Variants in KCND2 observed in about 807,000 individuals in gnomAD.
KCND2 encodes A-type voltage-gated potassium channel KCND2.
KCND2 carries 16 observed loss-of-function variants against 54.4 expected under a neutral mutation model. The observed-to-expected ratio is 0.29, with a 90% CI of 0.20 to 0.45. The LOEUF (loss-of-function observed/expected upper bound fraction) is 0.45. Among genes scored for constraint, KCND2 ranks in the 20% least tolerant of loss-of-function variants. KCND2 has a pLI of 1.00. For missense variants in KCND2, 486 were observed against 824.2 expected, an observed-to-expected ratio of 0.59 and a Z score of 5.02; for synonymous variants, 317 against 310.7, an observed-to-expected ratio of 1.02 and a Z score of -0.21.
At chr7:120,323,299 TA>T (rs1308341712) in intron 1 of KCND2, among the ~76,000 whole-genome samples, 1 of 152,076 alleles carries the variant, frequency 6.6e-6, no homozygotes, top group Non-Finnish European at 1.5e-5. Context: ...TTTATTTATT[TA>T]TTTTTTTATT....
At chr7:120,563,453 T>C (rs1792259803) in intron 1 of KCND2, among the ~76,000 whole-genome samples, 1 of 152,198 alleles carries the variant, frequency 6.6e-6, no homozygotes, top group African/African-American at 2.4e-5. Context: ...TCATCTAGAT[T>C]TGAGTTATCA....
chr7:120,341,923 G>A (rs1301031653), intron 1 of KCND2, among the ~76,000 whole-genome samples: 1 of 152,110 alleles, frequency 6.6e-6, no homozygotes, highest in African/African-American at 2.4e-5. Flanking sequence ...GATTTACAGG[G>A]ATGGGAGGAA....
At chr7:120,429,607 A>G (rs1801763102) in intron 1 of KCND2, among the ~76,000 whole-genome samples, 1 of 152,168 alleles carries the variant, frequency 6.6e-6, no homozygotes, top group Non-Finnish European at 1.5e-5. Flanking sequence ...CAGTTTTTCC[A>G]TGGAGTGCCA....
intron 1 of KCND2, among the ~76,000 whole-genome samples, chr7:120,476,173 C>T (rs932214826): frequency 3.3e-5 from 5 of 152,148 alleles, no homozygotes; most frequent in Non-Finnish European, 7.4e-5. Context: ...AGTTGTGTGA[C>T]CACAGGCAAG....
At chr7:120,309,452 C>CATAGATATATATAT (rs1799696339) in intron 1 of KCND2, among the ~76,000 whole-genome samples, 1 of 68,264 alleles carries the variant, frequency 1.5e-5, no homozygotes, top group African/African-American at 3.6e-5. Context: ...TAATAGAAAA[C>CATAGATATATATAT]ATATATATAT....
intron 1 of KCND2, among the ~76,000 whole-genome samples, chr7:120,479,416 TTATATA>T (rs913000152): frequency 1.3e-5 from 2 of 151,438 alleles, no homozygotes; most frequent in Non-Finnish European, 2.9e-5. Flanking sequence ...ATTAAAATAT[TTATATA>T]TATATATGTT....
At chr7:120,560,427 A>G (rs944607251) in intron 1 of KCND2, among the ~76,000 whole-genome samples, 1 of 152,220 alleles carries the variant, frequency 6.6e-6, no homozygotes, top group Non-Finnish European at 1.5e-5. Flanking sequence ...AAGCGACAGT[A>G]AAATGTAGAA....
At chr7:120,745,541 T>C (rs1415028812) in intron 4 of KCND2, among the ~76,000 whole-genome samples, 2 of 152,052 alleles carry the variant, frequency 1.3e-5, no homozygotes, top group African/African-American at 4.8e-5. Context: ...AGTTAGTCTA[T>C]AAAGGGACAC....
intron 1 of KCND2, among the ~76,000 whole-genome samples, chr7:120,309,928 A>G (rs552039845): frequency 2.8e-4 from 42 of 152,210 alleles, no homozygotes; most frequent in Non-Finnish European, 5.6e-4. Context: ...CTTTACACAC[A>G]CTGTTCCTTC....
chr7:120,371,627 C>G (rs1160019028), intron 1 of KCND2, among the ~76,000 whole-genome samples: 2 of 151,992 alleles, frequency 1.3e-5, no homozygotes, highest in African/African-American at 4.8e-5. Context: ...AGAGCAACTT[C>G]CGGTTCTGCA....
intron 1 of KCND2, among the ~76,000 whole-genome samples, chr7:120,624,505 G>T (rs1793140874): frequency 6.6e-6 from 1 of 152,142 alleles, no homozygotes; most frequent in Admixed American, 6.5e-5. Context: ...GGTGGGCTGG[G>T]CATGGTGGCT....
At chr7:120,435,091 T>TTTTATTTATTTATTTATTTATTTA (rs58887227) in intron 1 of KCND2, among the ~76,000 whole-genome samples, 24 of 149,212 alleles carry the variant, frequency 1.6e-4, no homozygotes, top group African/African-American at 5.0e-4. Flanking sequence ...AAACAATAAA[T>TTTTATTTATTTATTTATTTATTTA]TTTATTTATT....
At chr7:120,466,408 G>A (rs1439746679) in intron 1 of KCND2, among the ~76,000 whole-genome samples, 1 of 152,134 alleles carries the variant, frequency 6.6e-6, no homozygotes, top group African/African-American at 2.4e-5. Flanking sequence ...TGATAGCATA[G>A]CCAATGATTC....
chr7:120,681,000 A>G (rs1279704204), intron 1 of KCND2, among the ~76,000 whole-genome samples: 1 of 152,132 alleles, frequency 6.6e-6, no homozygotes, highest in African/African-American at 2.4e-5. Context: ...ACTATCAATA[A>G]TATCATTCTT....
intron 1 of KCND2, among the ~76,000 whole-genome samples, chr7:120,648,346 T>C (rs2116540861): frequency 6.6e-6 from 1 of 152,020 alleles, no homozygotes; most frequent in South Asian, 2.1e-4. Flanking sequence ...GCTAAACTAA[T>C]GGGTGCCATG....
chr7:120,380,745 T>TA (rs1800906471), intron 1 of KCND2, among the ~76,000 whole-genome samples: 1 of 151,746 alleles, frequency 6.6e-6, no homozygotes, highest in Admixed American at 6.6e-5. Flanking sequence ...GACCATATCG[T>TA]AAAAAAAAGA....
chr7:120,670,654 TG>T (rs1402937906), intron 1 of KCND2, among the ~76,000 whole-genome samples: 15 of 152,112 alleles, frequency 9.9e-5, no homozygotes, highest in African/African-American at 3.6e-4. Context: ...CGGTGGCTCA[TG>T]TCTGTAATCC....
chr7:120,512,413 A>G (rs1215268154), intron 1 of KCND2, among the ~76,000 whole-genome samples: 1 of 151,976 alleles, frequency 6.6e-6, no homozygotes, highest in Non-Finnish European at 1.5e-5. Flanking sequence ...TTTGTTTGTT[A>G]GTAAACAAAA....
chr7:120,430,678 CA>C (rs1259103097), intron 1 of KCND2, among the ~76,000 whole-genome samples: 1 of 152,090 alleles, frequency 6.6e-6, no homozygotes, highest in Non-Finnish European at 1.5e-5. Context: ...TATTGAAATT[CA>C]ACTTCCTTTC....
Sources: gnomAD v4.1 joint callset for allele counts (sites outside exome capture counted in the v4.1 genomes callset) on GRCh38, gnomAD v4.1.1 for gene constraint, MANE v1.5 for transcripts, NCBI Gene and HGNC (gene_info 2026-07-23, HGNC 2026-07-21) for gene names.